The following TANC1 variants were observed in gnomAD, a reference collection of about 807,000 sequenced individuals.
The protein encoded by TANC1 is protein TANC1.
Under a neutral mutation model 149.7 loss-of-function variants are expected in TANC1, and 77 were observed. The observed-to-expected ratio is 0.51, with a 90% CI of 0.43 to 0.62. The LOEUF (loss-of-function observed/expected upper bound fraction) is 0.62. Ranked by LOEUF, TANC1 falls within the 20% of genes least tolerant of loss-of-function variation. The probability of loss-of-function intolerance (pLI) is 0.00; values close to 1 mark genes in which losing one functional copy is unlikely to be tolerated. For missense variants in TANC1, 1,985 were observed against 2,321.8 expected, an observed-to-expected ratio of 0.85 and a Z score of 2.98; for synonymous variants, 854 against 925.0, an observed-to-expected ratio of 0.92 and a Z score of 1.39.
At chr2:159,102,245 A>G (rs2046795498) in intron 4 of TANC1, among the ~76,000 whole-genome samples, 1 of 152,014 alleles carries the variant, frequency 6.6e-6, no homozygotes, top group African/African-American at 2.4e-5. Context: ...AGACCACATT[A>G]TGTAACCCTC....
At chr2:159,087,233 T>C (rs1398694652) in intron 3 of TANC1, among the ~76,000 whole-genome samples, 1 of 152,160 alleles carries the variant, frequency 6.6e-6, no homozygotes, top group Non-Finnish European at 1.5e-5. Context: ...TACAGTTTCT[T>C]ATATTTTTTA....
intron 1 of TANC1, among the ~76,000 whole-genome samples, chr2:158,975,814 G>A (rs1359559699): frequency 2.0e-5 from 3 of 148,162 alleles, no homozygotes; most frequent in Admixed American, 6.8e-5. Flanking sequence ...AAACATTTTC[G>A]TTATTGTTTC....
At chr2:159,092,410 A>G (rs1029576457) in intron 3 of TANC1, among the ~76,000 whole-genome samples, 7 of 152,194 alleles carry the variant, frequency 4.6e-5, no homozygotes, top group South Asian at 2.1e-4. Context: ...GCCTTTAAAC[A>G]TTCATCTCCC....
At chr2:158,976,659 T>A (rs751636371) in intron 1 of TANC1, among the ~76,000 whole-genome samples, 1 of 152,154 alleles carries the variant, frequency 6.6e-6, no homozygotes, top group Non-Finnish European at 1.5e-5. Flanking sequence ...GGCGGGCAGA[T>A]CACCTGAGGT....
intron 2 of TANC1, among the ~76,000 whole-genome samples, chr2:159,011,196 G>A (rs2037718194): frequency 6.6e-6 from 1 of 152,150 alleles, no homozygotes; most frequent in Admixed American, 6.5e-5. Context: ...ACCAATGGCT[G>A]TAATAATGAT....
At chr2:159,161,723 A>G (rs1011857545) in intron 7 of TANC1, among the ~76,000 whole-genome samples, 1 of 152,248 alleles carries the variant, frequency 6.6e-6, no homozygotes, top group African/African-American at 2.4e-5. Flanking sequence ...GCTGTGATTG[A>G]TTCCAAAGAG....
At chr2:159,020,180 C>T (rs932082344) in intron 2 of TANC1, among the ~76,000 whole-genome samples, 2 of 152,124 alleles carry the variant, frequency 1.3e-5, no homozygotes, top group Non-Finnish European at 2.9e-5. Flanking sequence ...TGCAGTGGCA[C>T]GATCTCAGCT....
intron 1 of TANC1, among the ~76,000 whole-genome samples, chr2:158,986,645 A>G (rs2035034839): frequency 6.6e-6 from 1 of 152,168 alleles, no homozygotes; most frequent in African/African-American, 2.4e-5. Flanking sequence ...CATTTGAGAA[A>G]TGTTTGGCTT....
rs562209732 is a variant in TANC1 at position 159,217,486 on chromosome 2, C to A, written c.3245-11C>A. Reference sequence around the variant, plus strand: ...TGCTAACAGATTCCCCTCCATGTGACTTTCCTTTAGCCCTGACTGCCGCCG... The same window carrying A: ...TGCTAACAGATTCCCCTCCATGTGAATTTCCTTTAGCCCTGACTGCCGCCG... On this transcript the variant is annotated splice_polypyrimidine_tract_variant and intron_variant, in intron 19 of 26. Transcript: ENST00000263635. 6.2e-7 allele frequency: 1 copy of A among 1,614,074 alleles called. No homozygotes were observed. Among genetic ancestry groups the A allele is most frequent in the African/African-American group, 1.3e-5 (1 of 75,060 alleles).
At chr2:159,073,043 T>C (rs1425456230) in intron 3 of TANC1, among the ~76,000 whole-genome samples, 2 of 152,248 alleles carry the variant, frequency 1.3e-5, no homozygotes, top group Non-Finnish European at 2.9e-5. Flanking sequence ...TTGCATTTTA[T>C]GGTTTTCTCT....
At chr2:158,975,186 G>T (rs933054787) in intron 1 of TANC1, among the ~76,000 whole-genome samples, 2 of 151,776 alleles carry the variant, frequency 1.3e-5, no homozygotes, top group Non-Finnish European at 2.9e-5. Flanking sequence ...TGTGTTTATT[G>T]TATTGTTATC....
At chr2:159,080,388 C>G (rs2044146963) in intron 3 of TANC1, among the ~76,000 whole-genome samples, 1 of 152,166 alleles carries the variant, frequency 6.6e-6, no homozygotes, top group Non-Finnish European at 1.5e-5. Context: ...CAGTATTTGC[C>G]ATCAGCACAG....
At chr2:159,091,143 T>C (rs264625) in intron 3 of TANC1, among the ~76,000 whole-genome samples, 74,364 of 151,928 alleles carry the variant, frequency 0.49, 18,595 homozygotes, top group African/African-American at 0.53. Flanking sequence ...TTGAAAGCCT[T>C]TCTCAGTAGC....
At chr2:159,201,478 C>T (rs947133448) in intron 19 of TANC1, among the ~76,000 whole-genome samples, 5 of 152,188 alleles carry the variant, frequency 3.3e-5, no homozygotes, top group African/African-American at 1.2e-4. Context: ...CCATGGGCCC[C>T]GGGATTCCCC....
intron 2 of TANC1, among the ~76,000 whole-genome samples, chr2:159,036,670 T>C (rs183752079): frequency 1.0e-3 from 154 of 152,328 alleles, no homozygotes; most frequent in African/African-American, 3.5e-3. Context: ...TCATCCATGT[T>C]CCTACAAAGG....
chr2:159,210,514 TCTCA>T (rs1376431092), intron 19 of TANC1, among the ~76,000 whole-genome samples: 1 of 152,214 alleles, frequency 6.6e-6, no homozygotes, highest in African/African-American at 2.4e-5. Flanking sequence ...CAAAAAGCTC[TCTCA>T]CTGCTGTTTC....
chr2:159,051,570 G>A (rs775842761), intron 2 of TANC1, among the ~76,000 whole-genome samples: 17 of 151,944 alleles, frequency 1.1e-4, no homozygotes, highest in Non-Finnish European at 2.1e-4. Flanking sequence ...GGTTTGATTA[G>A]TTTTATGGGA....
At chr2:159,212,460 A>C (rs1392098091) in intron 19 of TANC1, among the ~76,000 whole-genome samples, 1 of 152,204 alleles carries the variant, frequency 6.6e-6, no homozygotes, top group Non-Finnish European at 1.5e-5. Context: ...GGAGAGGAAG[A>C]AATCACTTCA....
At position 159,231,581 on chromosome 2, in the gene TANC1, CT is replaced by C. The variant is rs1362528692; in HGVS notation, c.*571del. On this transcript the variant is annotated 3_prime_UTR_variant, in exon 27 of 27. Transcript: ENST00000263635. ...GAATATGAGAACACCTAAGTATTCTCTTCATAGCAGTTCCTATAAAGGGATT... is the reference window on the plus strand; with the variant it reads ...GAATATGAGAACACCTAAGTATTCTCTCATAGCAGTTCCTATAAAGGGATT... The C allele has an allele frequency of 6.5e-6, 1 of 152,916 alleles. No homozygotes were observed. 9.5% of individuals were successfully genotyped at this position (152,916 alleles called of 1,614,324 possible).
Sources: allele counts gnomAD v4.1 joint callset (sites outside exome capture counted in the v4.1 genomes callset), GRCh38; gene constraint gnomAD v4.1.1; transcripts MANE v1.5; gene names NCBI Gene and HGNC (gene_info 2026-07-23, HGNC 2026-07-21).